FRMD4A: variants seen among roughly 807,000 people sequenced by gnomAD.
The protein encoded by FRMD4A is FERM domain-containing protein 4A.
A neutral mutation model predicts 129.1 loss-of-function variants in FRMD4A; 29 were observed. The observed-to-expected ratio is 0.22, with a 90% CI of 0.17 to 0.31. FRMD4A has a LOEUF of 0.31. Ranked by LOEUF, FRMD4A falls within the 10% of genes least tolerant of loss-of-function variation. The pLI is 1.00. For missense variants in FRMD4A, 1,272 were observed against 1,375.8 expected, an observed-to-expected ratio of 0.92 and a Z score of 1.19; for synonymous variants, 634 against 571.6, an observed-to-expected ratio of 1.11 and a Z score of -1.56.
intron 15 of FRMD4A, among the ~76,000 whole-genome samples, chr10:13,677,604 A>AGGTTCCCCTTT (rs2084115217): frequency 6.6e-6 from 1 of 152,188 alleles, no homozygotes; most frequent in Non-Finnish European, 1.5e-5. Flanking sequence ...ACATTATTGC[A>AGGTTCCCCTTT]GGTTCCCCTT....
chr10:13,814,580 C>CAAA (rs553044764), intron 3 of FRMD4A, among the ~76,000 whole-genome samples: 1,106 of 41,530 alleles, frequency 0.027, 83 homozygotes, highest in Non-Finnish European at 0.033. Context: ...GACCCTGTTT[C>CAAA]AAAAAAAAAA....
chr10:14,030,135 C>A (rs1833169156), intron 2 of FRMD4A, among the ~76,000 whole-genome samples: 1 of 152,112 alleles, frequency 6.6e-6, no homozygotes, highest in Non-Finnish European at 1.5e-5. Flanking sequence ...TCAAGGGGTA[C>A]AAAGTTTCAG....
chr10:13,964,381 T>C (rs1206683171), intron 2 of FRMD4A, among the ~76,000 whole-genome samples: 3 of 151,664 alleles, frequency 2.0e-5, no homozygotes, highest in Admixed American at 6.6e-5. Flanking sequence ...AAGCAATTTA[T>C]GGTAAGTCAG....
At chr10:14,103,044 A>G (rs78241395) in intron 2 of FRMD4A, among the ~76,000 whole-genome samples, 1,980 of 152,248 alleles carry the variant, frequency 0.013, 33 homozygotes, top group African/African-American at 0.045. Context: ...AGAAAGTTGG[A>G]GGGAGGAAAG....
At chr10:13,983,116 A>G (rs2131407855) in intron 2 of FRMD4A, among the ~76,000 whole-genome samples, 1 of 152,238 alleles carries the variant, frequency 6.6e-6, no homozygotes, top group Admixed American at 6.5e-5. Flanking sequence ...GTGTGCCACT[A>G]CACCAGGCTA....
In FRMD4A at chr10:13,948,376, G is replaced by A. The variant is rs547888089; in HGVS notation, c.46-89464C>T. Among the ~76,000 whole-genome samples, 16 of 151,898 alleles carry A rather than the reference G, an allele frequency of 1.1e-4. No individual in the cohort carries two copies. In the South Asian group the frequency reaches 2.9e-3, roughly 28 times the overall value. On this transcript the variant is annotated intron_variant, in intron 2 of 24. Coordinates refer to ENST00000357447, the MANE Select transcript of FRMD4A (RefSeq NM_018027.5). The stretch of plus-strand genomic sequence containing the variant: ...CTGAAATCTATTTTACATATTCGGA[G>A]TTTAGTATAGAATTCTGCCAAAGGT...
chr10:13,942,345 C>G (rs2095298910), intron 2 of FRMD4A, among the ~76,000 whole-genome samples: 1 of 152,154 alleles, frequency 6.6e-6, no homozygotes, highest in Non-Finnish European at 1.5e-5. Context: ...CAGGGCGAAC[C>G]TGCAATGGGG....
chr10:14,308,332 C>G (rs1298989623), intron 2 of FRMD4A, among the ~76,000 whole-genome samples: 1 of 152,104 alleles, frequency 6.6e-6, no homozygotes, highest in Non-Finnish European at 1.5e-5. Context: ...ATAATTTGCA[C>G]AAAGAAAATT....
chr10:14,298,222 T>C (rs1283887647), intron 2 of FRMD4A, among the ~76,000 whole-genome samples: 1 of 152,144 alleles, frequency 6.6e-6, no homozygotes, highest in African/African-American at 2.4e-5. Flanking sequence ...TATCAAAAAC[T>C]CCCAAGATCC....
chr10:13,782,717 C>T (rs1190040911), intron 6 of FRMD4A, among the ~76,000 whole-genome samples: 1 of 152,214 alleles, frequency 6.6e-6, no homozygotes, highest in Non-Finnish European at 1.5e-5. Context: ...GTTGGGATTA[C>T]AGGCGTGAGC....
rs1013425969 is a variant in FRMD4A, at chr10:14,046,278, C to G, written c.46-187366G>C. Among the ~76,000 whole-genome samples, 3 of 152,224 alleles carry G rather than the reference C, an allele frequency of 2.0e-5. 1 individual carries two copies. Among genetic ancestry groups the G allele is most frequent in the Admixed American group, 1.3e-4 (2 of 15,284 alleles). On this transcript the variant is annotated intron_variant, in intron 2 of 24. Coordinates refer to ENST00000357447, the MANE Select transcript of FRMD4A (RefSeq NM_018027.5). ...TTATTTAAAACACAATTGGACCTTA[C>G]AGTCACTACTGCTCTAGTGATTTAC...
chr10:13,976,369 G>A (rs1458443652), intron 2 of FRMD4A, among the ~76,000 whole-genome samples: 1 of 152,322 alleles, frequency 6.6e-6, no homozygotes, highest in East Asian at 1.9e-4. Flanking sequence ...AGACAGGACA[G>A]AAGAGGAGGT....
At chr10:13,794,908 T>C (rs2093081252) in intron 5 of FRMD4A, among the ~76,000 whole-genome samples, 1 of 152,210 alleles carries the variant, frequency 6.6e-6, no homozygotes, top group African/African-American at 2.4e-5. Flanking sequence ...CTTTTATGCA[T>C]AGAAGACAGG....
chr10:14,118,815 CAT>C (rs1838338862), intron 2 of FRMD4A, among the ~76,000 whole-genome samples: 2 of 152,292 alleles, frequency 1.3e-5, no homozygotes, highest in South Asian at 4.2e-4. Context: ...CCACCCTTGA[CAT>C]GTGGGGATTA....
At chr10:13,710,398 GC>G (rs1251975890) in intron 12 of FRMD4A, 1 of 152,210 alleles carries the variant, frequency 6.6e-6, no homozygotes, top group Non-Finnish European at 1.5e-5. Context: ...GGAGAACTGC[GC>G]GTCTGCCAAA....
intron 2 of FRMD4A, among the ~76,000 whole-genome samples, chr10:14,226,632 C>T (rs1843446031): frequency 6.6e-6 from 1 of 152,112 alleles, no homozygotes; most frequent in African/African-American, 2.4e-5. Flanking sequence ...TGTCTGTGTC[C>T]AAACTTGCCC....
At chr10:14,256,667 T>G (rs1012848014) in intron 2 of FRMD4A, among the ~76,000 whole-genome samples, 2 of 152,156 alleles carry the variant, frequency 1.3e-5, no homozygotes, top group Non-Finnish European at 2.9e-5. Flanking sequence ...AGAGAAATTA[T>G]TCCACAAACG....
intron 14 of FRMD4A, among the ~76,000 whole-genome samples, chr10:13,698,855 T>C (rs2086497437): frequency 6.6e-6 from 1 of 152,160 alleles, no homozygotes; most frequent in Non-Finnish European, 1.5e-5. Context: ...CTGTGAGAAG[T>C]GTGAGGGCTC....
intron 2 of FRMD4A, among the ~76,000 whole-genome samples, chr10:14,180,955 C>G (rs1337479775): frequency 1.3e-5 from 2 of 152,188 alleles, no homozygotes; most frequent in East Asian, 3.8e-4. Context: ...GAGGAAAACA[C>G]GGTATGAGGT....
Sources: gnomAD v4.1 joint callset for allele counts (sites outside exome capture counted in the v4.1 genomes callset) on GRCh38, gnomAD v4.1.1 for gene constraint, MANE v1.5 for transcripts, NCBI Gene and HGNC (gene_info 2026-07-23, HGNC 2026-07-21) for gene names.